The following ASIC2 variants were observed in gnomAD, a reference collection of about 807,000 sequenced individuals.
The protein encoded by ASIC2 is acid sensing ion channel subunit 2, also known as acid-sensing ion channel 2.
A neutral mutation model predicts 57.3 loss-of-function variants in ASIC2; 25 were observed. The observed-to-expected ratio is 0.44, with a 90% CI of 0.32 to 0.61. ASIC2 has a LOEUF of 0.61. Ranked by LOEUF, ASIC2 falls within the 20% of genes least tolerant of loss-of-function variation. ASIC2 has a pLI of 0.06. For synonymous variants in ASIC2, 319 were observed against 307.5 expected (o/e 1.04, Z -0.39); for missense variants, 641 against 738.1 (o/e 0.87, Z 1.52).
intron 1 of ASIC2, among the ~76,000 whole-genome samples, chr17:33,348,205 A>T (rs1221360989): frequency 6.6e-6 from 1 of 152,206 alleles, no homozygotes; most frequent in Non-Finnish European, 1.5e-5. Context: ...GTCGCTGTGA[A>T]TGATGATAGA....
At chr17:33,900,665 G>T (rs1915212713) in intron 1 of ASIC2, among the ~76,000 whole-genome samples, 1 of 152,144 alleles carries the variant, frequency 6.6e-6, no homozygotes, top group Non-Finnish European at 1.5e-5. Context: ...TTACCAAAGT[G>T]CAATAAAGAC....
At chr17:33,048,626 A>G (rs555604547) in intron 3 of ASIC2, among the ~76,000 whole-genome samples, 47 of 152,348 alleles carry the variant, frequency 3.1e-4, no homozygotes, top group African/African-American at 1.1e-3. Context: ...TACAGATTAC[A>G]CAGGTGGTGC....
chr17:33,307,857 A>G (rs1906248864), intron 1 of ASIC2, among the ~76,000 whole-genome samples: 1 of 152,246 alleles, frequency 6.6e-6, no homozygotes. Context: ...AGAGCCTGAC[A>G]TATAGTAAGT....
intron 1 of ASIC2, among the ~76,000 whole-genome samples, chr17:33,483,464 C>A (rs780998552): frequency 6.6e-6 from 1 of 152,244 alleles, no homozygotes; most frequent in African/African-American, 2.4e-5. Flanking sequence ...GGAGGAAGAA[C>A]TGCCTTGCCT....
intron 1 of ASIC2, among the ~76,000 whole-genome samples, chr17:33,494,256 C>A (rs1189703340): frequency 6.6e-6 from 1 of 152,314 alleles, no homozygotes; most frequent in East Asian, 1.9e-4. Context: ...TTGGCCCTGT[C>A]TTTTCTCATG....
At chr17:33,653,067 C>T (rs899840078) in intron 1 of ASIC2, among the ~76,000 whole-genome samples, 9 of 152,076 alleles carry the variant, frequency 5.9e-5, no homozygotes, top group African/African-American at 1.9e-4. Context: ...ATATATTTGA[C>T]CCTCAAGGGT....
At chr17:33,205,444 C>T (rs1252648927) in intron 1 of ASIC2, among the ~76,000 whole-genome samples, 6 of 152,208 alleles carry the variant, frequency 3.9e-5, no homozygotes, top group Non-Finnish European at 8.8e-5. Context: ...TATATGTATC[C>T]TTCTTGGAGA....
intron 1 of ASIC2, among the ~76,000 whole-genome samples, chr17:33,898,355 C>A (rs1396074897): frequency 6.7e-6 from 1 of 148,892 alleles, no homozygotes; most frequent in Non-Finnish European, 1.5e-5. Context: ...CCTGCCTCAA[C>A]TTCCTGGGTA....
At chr17:33,872,294 G>A (rs1165074680) in intron 1 of ASIC2, among the ~76,000 whole-genome samples, 2 of 152,146 alleles carry the variant, frequency 1.3e-5, no homozygotes, top group Non-Finnish European at 2.9e-5. Flanking sequence ...ATAGAGGGAA[G>A]CCAAGACCCT....
At chr17:34,099,242 AAAGG>A (rs1362658408) in intron 1 of ASIC2, among the ~76,000 whole-genome samples, 48 of 149,624 alleles carry the variant, frequency 3.2e-4, no homozygotes, top group African/African-American at 1.1e-3. Flanking sequence ...AGAAAGAGAG[AAAGG>A]AAGGAAGGAG....
intron 1 of ASIC2, among the ~76,000 whole-genome samples, chr17:33,750,020 T>A (rs1910380722): frequency 6.6e-6 from 1 of 152,064 alleles, no homozygotes; most frequent in African/African-American, 2.4e-5. Flanking sequence ...TTGATCTAAA[T>A]ATCCACTTTC....
chr17:33,112,002 G>T lies in ASIC2; in HGVS notation c.774C>A (p.Thr258=), dbSNP rs1415456620. Residue 258 remains threonine, a synonymous_variant, in exon 2 of 10, where the codon ACC becomes ACA. Coordinates refer to ENST00000225823, the MANE Select transcript of ASIC2 (RefSeq NM_183377.2). The part of the protein sequence containing the change: ...NSGEDGKPLL[T]TVKGGTGNGL... ...CGTTGCCTGTCCCCCCCTTGACCGT[G>T]GTGAGCAGAGGTTTGCCATCCTCGC... 2 of 1,614,018 alleles carry T rather than the reference G, an allele frequency of 1.2e-6. No individual in the cohort carries two copies. Among genetic ancestry groups the T allele is most frequent in the African/African-American group, 2.7e-5 (2 of 75,008 alleles).
intron 1 of ASIC2, among the ~76,000 whole-genome samples, chr17:33,432,345 G>A (rs1338435284): frequency 1.3e-5 from 2 of 152,156 alleles, no homozygotes; most frequent in South Asian, 2.1e-4. Flanking sequence ...ATGAGACCTC[G>A]TCTCTACAAA....
At chr17:33,430,339 C>T (rs1193289424) in intron 1 of ASIC2, among the ~76,000 whole-genome samples, 2 of 152,080 alleles carry the variant, frequency 1.3e-5, no homozygotes, top group East Asian at 3.9e-4. Flanking sequence ...CTCGATGGGA[C>T]TCCTGGGGGG....
chr17:33,690,077 A>G (rs1412741515), intron 1 of ASIC2, among the ~76,000 whole-genome samples: 1 of 152,252 alleles, frequency 6.6e-6, no homozygotes, highest in Non-Finnish European at 1.5e-5. Flanking sequence ...CTCTGCAAAT[A>G]GAGGTATATA....
intron 1 of ASIC2, chr17:33,534,263 C>T (rs949594851): frequency 2.6e-5 from 4 of 152,280 alleles, no homozygotes; most frequent in African/African-American, 4.8e-5. Flanking sequence ...TCTTGTAATG[C>T]GCTCTTTGAC....
chr17:33,876,187 C>A (rs1445200288), intron 1 of ASIC2, among the ~76,000 whole-genome samples: 2 of 152,084 alleles, frequency 1.3e-5, no homozygotes, highest in Non-Finnish European at 1.5e-5. Context: ...ACGGTTATGG[C>A]CTTCTGTAAC....
intron 1 of ASIC2, among the ~76,000 whole-genome samples, chr17:33,179,539 C>T (rs1229703136): frequency 6.6e-6 from 1 of 152,144 alleles, no homozygotes; most frequent in Non-Finnish European, 1.5e-5. Flanking sequence ...TTATATAAAG[C>T]CGTTTTGGGA....
At chr17:33,459,147 T>C (rs1912550661) in intron 1 of ASIC2, among the ~76,000 whole-genome samples, 1 of 151,996 alleles carries the variant, frequency 6.6e-6, no homozygotes, top group African/African-American at 2.4e-5. Flanking sequence ...AGAGTTTTGA[T>C]CATCGTCACA....
Sources: allele counts gnomAD v4.1 joint callset (sites outside exome capture counted in the v4.1 genomes callset), GRCh38; gene constraint gnomAD v4.1.1; transcripts MANE v1.5; gene names NCBI Gene and HGNC (gene_info 2026-07-23, HGNC 2026-07-21).